Variants in GRID2 observed in about 807,000 individuals in gnomAD.
GRID2 encodes glutamate receptor ionotropic, delta-2.
GRID2 carries 33 observed loss-of-function variants against 114.8 expected under a neutral mutation model. The ratio of observed to expected loss-of-function variants is 0.29; its 90% CI spans 0.22 to 0.38. The LOEUF (loss-of-function observed/expected upper bound fraction) is 0.38. Ranked by LOEUF, GRID2 falls within the 10% of genes least tolerant of loss-of-function variation. The probability of loss-of-function intolerance (pLI) is 1.00; values close to 1 mark genes in which losing one functional copy is unlikely to be tolerated. For synonymous variants in GRID2, 505 were observed against 449.9 expected (o/e 1.12, Z -1.55); for missense variants, 1,184 against 1,257.7 (o/e 0.94, Z 0.89).
rs549305730 is a variant in GRID2 at position 92,476,267 on chromosome 4, C to T, written c.89-113864C>T. Among the ~76,000 whole-genome samples the T allele has an allele frequency of 8.5e-5, 13 of 152,164 alleles. No homozygotes were observed. The East Asian group carries it at 9.7e-4, about 11-fold the overall frequency. ...GTCTCGATCTCCTGACCTTGTGATC[C>T]GCCCGCCTTGGCTTCCCAAAGTGCT... is the stretch of plus-strand genomic sequence containing the variant. On this transcript the variant is annotated intron_variant, in intron 1 of 15. Transcript: ENST00000282020.
At chr4:93,630,571 G>T (rs1217377743) in intron 14 of GRID2, among the ~76,000 whole-genome samples, 1 of 152,094 alleles carries the variant, frequency 6.6e-6, no homozygotes, top group African/African-American at 2.4e-5. Flanking sequence ...TTGCTTATTG[G>T]CTTCTAGACC....
intron 2 of GRID2, among the ~76,000 whole-genome samples, chr4:92,947,992 A>G (rs1482283421): frequency 6.6e-6 from 1 of 151,890 alleles, no homozygotes; most frequent in Non-Finnish European, 1.5e-5. Context: ...TGTCATATGA[A>G]GGTGGCACAA....
chr4:93,370,679 T>A (rs779189965), intron 8 of GRID2, among the ~76,000 whole-genome samples: 23 of 152,174 alleles, frequency 1.5e-4, no homozygotes, highest in Non-Finnish European at 2.5e-4. Context: ...GGCCAACTAT[T>A]ATATTTTCTC....
chr4:92,873,633 A>G (rs188967247), intron 2 of GRID2, among the ~76,000 whole-genome samples: 21 of 152,312 alleles, frequency 1.4e-4, no homozygotes, highest in Admixed American at 1.3e-3. Context: ...TTTCCTATCC[A>G]TAAAAGAGAG....
intron 2 of GRID2, among the ~76,000 whole-genome samples, chr4:92,909,368 G>A: frequency 6.6e-6 from 1 of 150,952 alleles, no homozygotes; most frequent in East Asian, 1.9e-4. Context: ...ATATTTTTAA[G>A]TAGCTATTCC....
At chr4:92,874,815 T>C (rs1745508022) in intron 2 of GRID2, among the ~76,000 whole-genome samples, 2 of 152,210 alleles carry the variant, frequency 1.3e-5, no homozygotes, top group African/African-American at 2.4e-5. Context: ...ACTCAGATAA[T>C]TGCATCACTC....
chr4:93,689,087 A>G (rs1049697159), intron 14 of GRID2, among the ~76,000 whole-genome samples: 3 of 152,014 alleles, frequency 2.0e-5, no homozygotes, highest in Non-Finnish European at 2.9e-5. Context: ...AAACACACGC[A>G]GAGAGAAGAC....
chr4:93,793,542 T>C (rs1321994355), intron 1 of GRID2, among the ~76,000 whole-genome samples: 2 of 152,208 alleles, frequency 1.3e-5, no homozygotes, highest in African/African-American at 2.4e-5. Flanking sequence ...TATGGGAATT[T>C]CAACCATCAT....
At chr4:93,087,581 T>G (rs1046454262) in intron 3 of GRID2, among the ~76,000 whole-genome samples, 1 of 152,178 alleles carries the variant, frequency 6.6e-6, no homozygotes, top group Non-Finnish European at 1.5e-5. Context: ...TCTCCTGAGT[T>G]TTTATTTGAG....
chr4:92,652,074 T>C (rs1731961562), intron 2 of GRID2, among the ~76,000 whole-genome samples: 1 of 152,090 alleles, frequency 6.6e-6, no homozygotes, highest in Admixed American at 6.6e-5. Context: ...ACGTACCATT[T>C]CCATTTGAAG....
intron 13 of GRID2, among the ~76,000 whole-genome samples, chr4:93,547,718 A>G (rs1373708720): frequency 6.6e-6 from 1 of 152,154 alleles, no homozygotes; most frequent in Non-Finnish European, 1.5e-5. Context: ...AGAAAGTGGT[A>G]GATCTGAGAT....
chr4:93,055,790 T>G (rs753332953), intron 2 of GRID2, among the ~76,000 whole-genome samples: 2 of 152,000 alleles, frequency 1.3e-5, no homozygotes, highest in Non-Finnish European at 2.9e-5. Flanking sequence ...ATCTTAGGAC[T>G]TTTATATTTA....
chr4:93,455,775 A>G lies in GRID2; in HGVS notation c.1659A>G (p.Glu553=), dbSNP rs1723131069. ...YSVGVLLRRA[E]KTVDMFACLA... ...TGGGGGTACTACTTCGAAGGGCTGA[A>G]AAGACAGTGGATATGTTTGCCTGTC... The change falls in exon 11 of 16, where the codon GAA becomes GAG. Residue 553 remains glutamate, a synonymous_variant. Coordinates refer to ENST00000282020, the MANE Select transcript of GRID2 (RefSeq NM_001510.4). The G allele has an allele frequency of 6.2e-7, 1 of 1,612,908 alleles. No homozygotes were observed. The highest frequency in any genetic ancestry group is 1.3e-5 in the African/African-American group (1 of 74,984).
chr4:93,508,568 T>C (rs751647614), intron 12 of GRID2, among the ~76,000 whole-genome samples: 16 of 152,158 alleles, frequency 1.1e-4, no homozygotes, highest in Non-Finnish European at 2.2e-4. Flanking sequence ...TAATATATAG[T>C]TAAAATGCTA....
At chr4:92,361,598 G>A (rs1728621859) in intron 1 of GRID2, among the ~76,000 whole-genome samples, 1 of 151,980 alleles carries the variant, frequency 6.6e-6, no homozygotes, top group African/African-American at 2.4e-5. Context: ...GGCTGCTGTA[G>A]CTAACTCTAC....
intron 14 of GRID2, among the ~76,000 whole-genome samples, chr4:93,656,167 A>G (rs1331567963): frequency 6.6e-6 from 1 of 151,884 alleles, no homozygotes; most frequent in Non-Finnish European, 1.5e-5. Context: ...GGAGTCAATT[A>G]TTTTTTCTGA....
chr4:93,493,488 G>A (rs1210465093), intron 12 of GRID2, among the ~76,000 whole-genome samples: 1 of 151,690 alleles, frequency 6.6e-6, no homozygotes, highest in Admixed American at 6.6e-5. Context: ...AGAGTTGAGA[G>A]TCCAATCCAT....
chr4:92,994,696 T>C (rs1755096108), intron 2 of GRID2, among the ~76,000 whole-genome samples: 1 of 152,144 alleles, frequency 6.6e-6, no homozygotes. Context: ...ATGCAACATA[T>C]AGAACTGGGA....
intron 2 of GRID2, among the ~76,000 whole-genome samples, chr4:92,852,683 G>C (rs1239035266): frequency 2.0e-5 from 3 of 151,602 alleles, no homozygotes; most frequent in African/African-American, 7.3e-5. Context: ...CTTCTTGAAA[G>C]TCCCCATGTC....
Sources: allele counts gnomAD v4.1 joint callset (sites outside exome capture counted in the v4.1 genomes callset), GRCh38; gene constraint gnomAD v4.1.1; transcripts MANE v1.5; gene names NCBI Gene and HGNC (gene_info 2026-07-23, HGNC 2026-07-21).